Variants in TEX15 observed in about 807,000 individuals in gnomAD.
TEX15 encodes the protein testis expressed 15, meiosis and synapsis associated, also known as testis-expressed protein 15.
In TEX15, 171 loss-of-function variants were observed where a neutral mutation model predicts 237.3. The ratio of observed to expected loss-of-function variants is 0.72; its 90% CI spans 0.64 to 0.82. The LOEUF (loss-of-function observed/expected upper bound fraction) is 0.82. Among genes scored for constraint, TEX15 ranks in the 40% least tolerant of loss-of-function variants. The probability of loss-of-function intolerance (pLI) is 0.00; values close to 1 mark genes in which losing one functional copy is unlikely to be tolerated. For synonymous variants in TEX15, 1,338 were observed against 1,269.8 expected (o/e 1.05, Z -1.14); for missense variants, 3,750 against 3,646.5 (o/e 1.03, Z -0.73).
intron 2 of TEX15, among the ~76,000 whole-genome samples, chr8:30,895,675 G>GTTTTTTTTTTT (rs1563276129): frequency 1.3e-5 from 1 of 76,970 alleles, no homozygotes; most frequent in South Asian, 4.3e-4. Context: ...TTAAACACAT[G>GTTTTTTTTTTT]CTTTTTTTTT....
At chr8:30,889,102 A>G (rs1808728363) in intron 2 of TEX15, among the ~76,000 whole-genome samples, 1 of 152,242 alleles carries the variant, frequency 6.6e-6, no homozygotes, top group Admixed American at 6.5e-5. Context: ...ATAAAGGTAA[A>G]GAATAATCAG....
chr8:30,873,142 T>C (rs979728322), intron 4 of TEX15, among the ~76,000 whole-genome samples: 3 of 152,184 alleles, frequency 2.0e-5, no homozygotes, highest in Admixed American at 6.5e-5. Context: ...CTGTATAAAC[T>C]TGAGTAGTTC....
chr8:30,870,855 A>G (rs894711274), intron 4 of TEX15, among the ~76,000 whole-genome samples: 2 of 152,080 alleles, frequency 1.3e-5, no homozygotes, highest in African/African-American at 4.8e-5. Context: ...TAAGTCAGAC[A>G]TGACTCTCAC....
Position 30,848,911 on chromosome 8 carries a change from T to A in TEX15, c.1256A>T (p.Asn419Ile), listed in dbSNP as rs1364978616. The A allele has an allele frequency of 6.2e-7, 1 of 1,614,150 alleles. No individual in the cohort carries two copies. The highest frequency in any genetic ancestry group is 8.5e-7 in the Non-Finnish European group (1 of 1,180,028). The change falls in exon 8 of 11, where the codon AAT (asparagine) becomes ATT (isoleucine). Residue 419 changes from asparagine (N) to isoleucine (I), a missense_variant. Transcript: ENST00000643185. ...GLNASFPLHN[N>I]TGSSTVTTSK... ...AGTAGTGACTGTGCTTGAGCCAGTA[T>A]TGTTGTGAAGAGGAAAAGAAGCATT...
intron 4 of TEX15, among the ~76,000 whole-genome samples, chr8:30,869,851 C>G (rs1166437012): frequency 6.6e-6 from 1 of 151,934 alleles, no homozygotes; most frequent in Non-Finnish European, 1.5e-5. Context: ...ATCTGAAGAA[C>G]TAGCATATAC....
At position 30,909,699 on chromosome 8, in the gene TEX15, T is replaced by C. The variant is rs373430084; in HGVS notation, c.-86+3180A>G. On this transcript the variant is annotated intron_variant, in intron 1 of 10. Coordinates refer to ENST00000643185, the MANE Select transcript of TEX15 (RefSeq NM_001350162.2). ...TTGCCCTACTACTTGACTAACTTTA[T>C]AAAGCTTGGAAGTATTATTACAAAG... 3.9e-5 allele frequency among the ~76,000 whole-genome samples: 6 copies of C among 152,272 alleles called. No individual in the cohort carries two copies. The East Asian group carries it at 7.7e-4, about 20-fold the overall frequency.
rs181481608 is a variant in TEX15, at chr8:30,849,916, G to A, written c.851-600C>T. On this transcript the variant is annotated intron_variant, in intron 7 of 10. Transcript: ENST00000643185. ...TCCATCTCGGGGGCTGGGGGCAGAGGTGGGGAAGAATAAAACTAAATAGGA... is the reference window on the plus strand; with the variant it reads ...TCCATCTCGGGGGCTGGGGGCAGAGATGGGGAAGAATAAAACTAAATAGGA... 2.0e-5 allele frequency among the ~76,000 whole-genome samples: 3 copies of A among 152,132 alleles called. No individual in the cohort carries two copies. In the East Asian group the frequency reaches 5.8e-4, roughly 29 times the overall value.
At chr8:30,892,476 CCTAT>C (rs1314082687) in intron 2 of TEX15, among the ~76,000 whole-genome samples, 1 of 152,132 alleles carries the variant, frequency 6.6e-6, no homozygotes, top group Non-Finnish European at 1.5e-5. Context: ...TTAAATTAGG[CCTAT>C]CTAACAATAA....
In TEX15 at chr8:30,874,528, C is replaced by T. The variant is rs1470559536; in HGVS notation, c.302+409G>A. Among the ~76,000 whole-genome samples the T allele has an allele frequency of 3.9e-5, 6 of 152,068 alleles. No individual in the cohort carries two copies. In the East Asian group the frequency reaches 9.7e-4, roughly 24 times the overall value. ...TGGAATAGCTGGAAACAGCTGGCTACAATCCTCTCAAATTAAAACATCAAC... is the reference window on the plus strand; with the variant it reads ...TGGAATAGCTGGAAACAGCTGGCTATAATCCTCTCAAATTAAAACATCAAC... On this transcript the variant is annotated intron_variant, in intron 4 of 10. Coordinates refer to ENST00000643185, the MANE Select transcript of TEX15 (RefSeq NM_001350162.2).
Position 30,842,327 on chromosome 8 carries a change from T to C in TEX15, c.7840A>G (p.Lys2614Glu), listed in dbSNP as rs1377981033. The C allele has an allele frequency of 6.2e-7, 1 of 1,613,792 alleles. No homozygotes were observed. The highest frequency in any genetic ancestry group is 1.3e-5 in the African/African-American group (1 of 74,912). The change falls in exon 8 of 11, where the codon AAA (lysine) becomes GAA (glutamate). Residue 2614 changes from lysine (K) to glutamate (E), a missense_variant. By Grantham distance (56) the Lys-to-Glu change is moderately conservative. Coordinates refer to ENST00000643185, the MANE Select transcript of TEX15 (RefSeq NM_001350162.2). ...ATATGTTCAATCGTTTTCATGACTT[T>C]CCTAATGTGGGCCATTTTTCCTAAA... Reference protein sequence around the residue: ...KDLGKMAHIRKVMKTIEHMKM... With the variant: ...KDLGKMAHIREVMKTIEHMKM...
intron 8 of TEX15, among the ~76,000 whole-genome samples, chr8:30,841,684 GTC>G (rs1017359923): frequency 6.6e-6 from 1 of 152,088 alleles, no homozygotes; most frequent in Non-Finnish European, 1.5e-5. Flanking sequence ...ATAAATATTG[GTC>G]TCTCACTCAG....
chr8:30,902,453 G>T (rs975138811), intron 1 of TEX15, among the ~76,000 whole-genome samples: 3 of 152,158 alleles, frequency 2.0e-5, no homozygotes, highest in African/African-American at 2.4e-5. Flanking sequence ...CTTGTTTCAG[G>T]CACTCTGCAA....
At position 30,846,301 on chromosome 8, in the gene TEX15, G is replaced by A. The variant is rs1177496721; in HGVS notation, c.3866C>T (p.Thr1289Ile). The change falls in exon 8 of 11, where the codon ACC becomes ATC. Residue 1289 changes from threonine (T) to isoleucine (I), a missense_variant. Thr to Ile is a moderately conservative substitution (Grantham distance 89). Coordinates refer to ENST00000643185, the MANE Select transcript of TEX15 (RefSeq NM_001350162.2). ...TGATTCTACCTCCTTTTTATTTTTG[G>A]TATCATTATAGTCAGTTTTTGATTT... ...FTKSKTDYND[T>I]KNKKEVESRI... 6.2e-7 allele frequency: 1 copy of A among 1,612,726 alleles called. No individual in the cohort carries two copies. The highest frequency in any genetic ancestry group is 8.5e-7 in the Non-Finnish European group (1 of 1,179,558).
intron 7 of TEX15, among the ~76,000 whole-genome samples, chr8:30,855,116 A>C (rs1807881761): frequency 6.6e-6 from 1 of 152,028 alleles, no homozygotes; most frequent in African/African-American, 2.4e-5. Flanking sequence ...TAGCCAGGGC[A>C]ATTATGCAAA....
rs370983793 is a variant in TEX15, at chr8:30,838,049, A to G, written c.8235T>C (p.Ser2745=). ...ATFKHPRTTG[S]HPKSENKIVP... ...CTATTTTGTTTTCGCTTTTGGGATG[A>G]GATCCTGTAGTCCTATTAGGTGCAA... Residue 2745 remains serine (S), a synonymous_variant, in exon 10 of 11, where the codon TCT becomes TCC. Transcript: ENST00000643185. 6.2e-7 allele frequency: 1 copy of G among 1,611,168 alleles called. No individual in the cohort carries two copies. The highest frequency in any genetic ancestry group is 8.5e-7 in the Non-Finnish European group (1 of 1,179,120).
intron 4 of TEX15, among the ~76,000 whole-genome samples, chr8:30,872,503 T>C (rs894014223): frequency 1.5e-4 from 23 of 152,166 alleles, no homozygotes; most frequent in Admixed American, 1.5e-3. Flanking sequence ...TTAGAGTATA[T>C]GATCTCTCCT....
intron 3 of TEX15, among the ~76,000 whole-genome samples, chr8:30,878,096 C>CTTTTT (rs36096573): frequency 7.6e-5 from 9 of 118,214 alleles, no homozygotes; most frequent in African/African-American, 1.7e-4. Flanking sequence ...GTAAAGATTG[C>CTTTTT]TTTTTTTTTT....
intron 10 of TEX15, among the ~76,000 whole-genome samples, chr8:30,836,210 T>TTG (rs1420002590): frequency 1.7e-4 from 21 of 121,142 alleles, no homozygotes; most frequent in South Asian, 1.5e-3. Flanking sequence ...GTATCGTTTT[T>TTG]TTTTTTTTTT....
In TEX15 at chr8:30,873,779, T is replaced by C. The variant is rs140248889; in HGVS notation, c.302+1158A>G. Among the ~76,000 whole-genome samples the C allele has an allele frequency of 5.3e-5, 8 of 152,234 alleles. No individual in the cohort carries two copies. In the East Asian group the frequency reaches 1.5e-3, roughly 29 times the overall value. ...GGAGAATGAGACACAAATCAATATA[T>C]TGTAGTAAGTACCATAAAATGAGTA... is the stretch of plus-strand genomic sequence containing the variant. On this transcript the variant is annotated intron_variant, in intron 4 of 10. Coordinates refer to ENST00000643185, the MANE Select transcript of TEX15 (RefSeq NM_001350162.2).
Sources: allele counts gnomAD v4.1 joint callset (sites outside exome capture counted in the v4.1 genomes callset), GRCh38; gene constraint gnomAD v4.1.1; transcripts MANE v1.5; gene names NCBI Gene and HGNC (gene_info 2026-07-23, HGNC 2026-07-21).